Variants in NPSR1 observed in about 807,000 individuals in gnomAD.
NPSR1 encodes the protein neuropeptide S receptor.
NPSR1 carries 48 observed loss-of-function variants against 46.9 expected under a neutral mutation model. The observed-to-expected ratio is 1.02, with a 90% CI of 0.81 to 1.30. NPSR1 has a LOEUF of 1.30. NPSR1 is among the 50% of genes most tolerant of loss of function. The pLI is 0.00. For synonymous variants in NPSR1, 176 were observed against 168.1 expected (o/e 1.05, Z -0.36); for missense variants, 450 against 449.5 (o/e 1.00, Z -0.01).
intron 3 of NPSR1, among the ~76,000 whole-genome samples, chr7:34,786,525 A>G (rs774978374): frequency 2.0e-5 from 3 of 152,166 alleles, no homozygotes; most frequent in Non-Finnish European, 4.4e-5. Context: ...AATGTTCTTA[A>G]TGACATCTAA....
At chr7:34,843,242 T>C (rs940253814) in intron 6 of NPSR1, among the ~76,000 whole-genome samples, 2 of 152,226 alleles carry the variant, frequency 1.3e-5, no homozygotes, top group African/African-American at 4.8e-5. Flanking sequence ...ATTTGGCTTA[T>C]GGTTCTAGAG....
At chr7:34,686,695 G>A (rs1004515940) in intron 2 of NPSR1, among the ~76,000 whole-genome samples, 4 of 151,132 alleles carry the variant, frequency 2.6e-5, no homozygotes, top group South Asian at 2.1e-4. Context: ...CTTTTTTTGC[G>A]GTTGTTTCAT....
chr7:34,820,126 C>G (rs765617673), intron 4 of NPSR1, among the ~76,000 whole-genome samples: 4 of 152,066 alleles, frequency 2.6e-5, no homozygotes, highest in African/African-American at 9.7e-5. Context: ...AAGGAAAAAA[C>G]TAAACAAAAC....
chr7:34,682,166 G>C (rs935042455), intron 1 of NPSR1, among the ~76,000 whole-genome samples: 5 of 152,190 alleles, frequency 3.3e-5, no homozygotes, highest in Non-Finnish European at 5.9e-5. Context: ...AGAAGACTCA[G>C]AATGTTAACA....
chr7:34,779,308 C>T (rs1410378365), intron 3 of NPSR1, among the ~76,000 whole-genome samples: 2 of 151,780 alleles, frequency 1.3e-5, no homozygotes, highest in Non-Finnish European at 2.9e-5. Flanking sequence ...TATTTCATAA[C>T]TGGTATTAGG....
chr7:34,821,153 T>TTAAAAA (rs747960051), intron 4 of NPSR1, among the ~76,000 whole-genome samples: 1 of 135,928 alleles, frequency 7.4e-6, no homozygotes, highest in Non-Finnish European at 1.6e-5. Context: ...TTTTTTTTTT[T>TTAAAAA]AGACAGAGTC....
At chr7:34,769,480 A>G (rs1786579284) in intron 2 of NPSR1, among the ~76,000 whole-genome samples, 1 of 152,186 alleles carries the variant, frequency 6.6e-6, no homozygotes, top group South Asian at 2.1e-4. Context: ...TGAGACCCAG[A>G]AGTCTGGATT....
At chr7:34,717,166 C>T (rs765722287) in intron 2 of NPSR1, among the ~76,000 whole-genome samples, 1 of 152,182 alleles carries the variant, frequency 6.6e-6, no homozygotes, top group Non-Finnish European at 1.5e-5. Flanking sequence ...GAGTTTCGCT[C>T]TTGTTGCCCA....
intron 2 of NPSR1, among the ~76,000 whole-genome samples, chr7:34,703,615 AT>A (rs1793958213): frequency 6.6e-6 from 1 of 152,110 alleles, no homozygotes; most frequent in African/African-American, 2.4e-5. Context: ...TCAAAAAAAA[AT>A]CTTAACTAAT....
intron 3 of NPSR1, among the ~76,000 whole-genome samples, chr7:34,785,807 AT>A (rs1369834907): frequency 3.9e-5 from 6 of 152,206 alleles, no homozygotes; most frequent in African/African-American, 1.4e-4. Context: ...TTATGTTTAC[AT>A]TTTACTGTAG....
At chr7:34,704,904 T>C (rs559572713) in intron 2 of NPSR1, among the ~76,000 whole-genome samples, 2 of 152,302 alleles carry the variant, frequency 1.3e-5, no homozygotes, top group South Asian at 4.1e-4. Context: ...CTAATTGCTA[T>C]GGTGGTATTG....
rs114068625 is a variant in NPSR1 at position 34,781,432 on chromosome 7, C to T, written c.384+2867C>T. Among the ~76,000 whole-genome samples the T allele has an allele frequency of 7.9e-3, 1,206 of 152,190 alleles. 23 individuals are homozygous for T. The highest frequency in any genetic ancestry group is 0.028 in the African/African-American group (1,146 of 41,528). On this transcript the variant is annotated intron_variant, in intron 3 of 8. Coordinates refer to ENST00000360581, the MANE Select transcript of NPSR1 (RefSeq NM_207172.2). ...TCGTGAAGGAAAAAATGGAGAATAA[C>T]CACATAGAAAGAATTGCTGGTGTGA... is the stretch of plus-strand genomic sequence containing the variant.
In NPSR1 at chr7:34,875,698, G is replaced by A. The variant is rs190203020; in HGVS notation, c.1026-2378G>A. On this transcript the variant is annotated intron_variant, in intron 8 of 8. Transcript: ENST00000359791. ...TGTTAGGAGAGAATGAGGAGCTGCA[G>A]GGACAGTGGCACTGTACATGCTGAC... Among the ~76,000 whole-genome samples the A allele has an allele frequency of 3.2e-4, 48 of 152,294 alleles. No homozygotes were observed. The East Asian group carries it at 3.3e-3, about 10-fold the overall frequency.
At chr7:34,804,235 C>T (rs1788576810) in intron 3 of NPSR1, among the ~76,000 whole-genome samples, 1 of 152,062 alleles carries the variant, frequency 6.6e-6, no homozygotes, top group Admixed American at 6.6e-5. Flanking sequence ...CAATATCCCT[C>T]ATGAACATAA....
chr7:34,792,651 A>G (rs1054614456), intron 3 of NPSR1, among the ~76,000 whole-genome samples: 7 of 107,166 alleles, frequency 6.5e-5, no homozygotes, highest in Non-Finnish European at 9.6e-5. Flanking sequence ...GTATATATAT[A>G]TGTATATATA....
chr7:34,752,163 A>G (rs35692660), intron 2 of NPSR1: 58,275 of 399,756 alleles, frequency 0.15, 4,654 homozygotes, highest in Non-Finnish European at 0.17. Context: ...CTATATGTCT[A>G]CGTGTAAGGT....
chr7:34,726,532 A>C (rs1215125465), intron 2 of NPSR1, among the ~76,000 whole-genome samples: 6 of 152,204 alleles, frequency 3.9e-5, no homozygotes, highest in Non-Finnish European at 7.3e-5. Flanking sequence ...TGAATTGGCA[A>C]CTCATGCCCA....
At chr7:34,747,609 GACACACACACACATAC>G (rs987270246) in intron 2 of NPSR1, among the ~76,000 whole-genome samples, 3 of 147,054 alleles carry the variant, frequency 2.0e-5, no homozygotes, top group South Asian at 2.2e-4. Context: ...AGGCATCTTA[GACACACACACACATAC>G]ACACACACAC....
At chr7:34,705,946 A>G (rs1184745006) in intron 2 of NPSR1, among the ~76,000 whole-genome samples, 2 of 146,810 alleles carry the variant, frequency 1.4e-5, no homozygotes, top group Non-Finnish European at 3.0e-5. Flanking sequence ...TTTTTTTTTC[A>G]AGAAGTCATT....
Sources: gnomAD v4.1 joint callset for allele counts (sites outside exome capture counted in the v4.1 genomes callset) on GRCh38, gnomAD v4.1.1 for gene constraint, MANE v1.5 for transcripts, NCBI Gene and HGNC (gene_info 2026-07-23, HGNC 2026-07-21) for gene names.